The following CCDC178 variants were observed in gnomAD, a reference collection of about 807,000 sequenced individuals.
CCDC178 encodes coiled-coil domain-containing protein 178.
In CCDC178, 126 loss-of-function variants were observed where a neutral mutation model predicts 117.4. The ratio of observed to expected loss-of-function variants is 1.07; its 90% CI spans 0.93 to 1.24. The LOEUF (loss-of-function observed/expected upper bound fraction) is 1.24, where lower values mean the gene tolerates loss of function less well. Ranked by LOEUF, CCDC178 falls within the 50% of genes most tolerant of loss-of-function variation. The pLI, the probability that CCDC178 is intolerant of heterozygous loss-of-function variation, is 0.00. For synonymous variants in CCDC178, 283 were observed against 313.4 expected (o/e 0.90, Z 1.02); for missense variants, 1,030 against 986.9 (o/e 1.04, Z -0.59).
intron 5 of CCDC178, among the ~76,000 whole-genome samples, chr18:33,388,606 G>A (rs1389012421): frequency 1.1e-4 from 13 of 119,162 alleles, no homozygotes; most frequent in African/African-American, 2.5e-4. Context: ...TGCAAGCTCC[G>A]CCTCCCGGGT....
intron 21 of CCDC178, among the ~76,000 whole-genome samples, chr18:33,023,987 C>G (rs1297394076): frequency 6.6e-6 from 1 of 152,108 alleles, no homozygotes; most frequent in East Asian, 1.9e-4. Flanking sequence ...ATAACTTTGG[C>G]AACTTCGATG....
intron 21 of CCDC178, among the ~76,000 whole-genome samples, chr18:33,080,950 T>C (rs272962): frequency 0.043 from 6,462 of 151,938 alleles, 184 homozygotes; most frequent in Middle Eastern, 0.099. Flanking sequence ...TGCAAAAATA[T>C]AGAAAGTAAA....
intron 11 of CCDC178, among the ~76,000 whole-genome samples, chr18:33,293,537 T>C (rs2062065162): frequency 6.6e-6 from 1 of 151,850 alleles, no homozygotes; most frequent in South Asian, 2.1e-4. Context: ...TGGTGGCACA[T>C]GCCTGTAGTC....
chr18:33,131,962 CAA>C (rs2058072328), intron 20 of CCDC178, among the ~76,000 whole-genome samples: 1 of 150,902 alleles, frequency 6.6e-6, no homozygotes, highest in Non-Finnish European at 1.5e-5. Context: ...CCCCAAAATT[CAA>C]AGTTATATTG....
chr18:33,438,798 T>C lies in CCDC178; in HGVS notation c.-23+1164A>G, dbSNP rs117451210. On this transcript the variant is annotated intron_variant, in intron 2 of 22. Transcript: ENST00000383096. ...TCTGCTTTTCCCTGCTCATTCACCA[T>C]ACATCATCTTCCTTTCCATGTTGTC... 5.9e-5 allele frequency among the ~76,000 whole-genome samples: 9 copies of C among 152,294 alleles called. No homozygotes were observed. In the East Asian group the frequency reaches 9.7e-4, roughly 16 times the overall value.
intron 21 of CCDC178, among the ~76,000 whole-genome samples, chr18:33,073,308 T>C (rs982015563): frequency 2.3e-4 from 35 of 152,028 alleles, no homozygotes; most frequent in Non-Finnish European, 1.0e-4. Context: ...GTGGGAATCA[T>C]ATATTACATG....
chr18:33,061,854 C>T (rs368216321), intron 21 of CCDC178, among the ~76,000 whole-genome samples: 9 of 152,088 alleles, frequency 5.9e-5, no homozygotes, highest in African/African-American at 2.2e-4. Flanking sequence ...TGAAGACATG[C>T]ATTGGTTTAG....
At chr18:32,942,930 T>A (rs1022542030) in intron 22 of CCDC178, among the ~76,000 whole-genome samples, 1 of 152,144 alleles carries the variant, frequency 6.6e-6, no homozygotes, top group Non-Finnish European at 1.5e-5. Context: ...TGTTATTAGA[T>A]TTTTGGTGGG....
intron 21 of CCDC178, among the ~76,000 whole-genome samples, chr18:33,087,111 T>C (rs1259013814): frequency 2.0e-5 from 3 of 151,758 alleles, no homozygotes; most frequent in African/African-American, 4.8e-5. Context: ...TCACACTCAA[T>C]AAATCACTCT....
rs150007249 is a variant in CCDC178 at position 33,245,328 on chromosome 18, G to A, written c.1510C>T (p.Arg504Cys). ...GTTAGGTGGAAAAGAGTACCAATGC[G>A]ATAAGCCTCCTTATAGATGTTCTTG... ...HLKNIYKEAYRIGTLFHLTKH... is the reference protein window; with the variant it reads ...HLKNIYKEAYCIGTLFHLTKH... Residue 504 changes from arginine to cysteine, a missense_variant, in exon 15 of 23, where the codon CGC (arginine) becomes TGC (cysteine). Coordinates refer to ENST00000383096, the MANE Select transcript of CCDC178 (RefSeq NM_001105528.4). The A allele has an allele frequency of 8.7e-6, 14 of 1,608,938 alleles. No individual in the cohort carries two copies. The highest frequency in any genetic ancestry group is 1.7e-4 in the Middle Eastern group (1 of 6,054).
chr18:33,119,249 G>T (rs2057902186), intron 20 of CCDC178, among the ~76,000 whole-genome samples: 1 of 152,050 alleles, frequency 6.6e-6, no homozygotes, highest in African/African-American at 2.4e-5. Context: ...GAGTGAACAG[G>T]CAACCCACAG....
intron 6 of CCDC178, among the ~76,000 whole-genome samples, chr18:33,363,389 C>T (rs1000748336): frequency 6.6e-6 from 1 of 151,956 alleles, no homozygotes; most frequent in Non-Finnish European, 1.5e-5. Context: ...AACTCAGATC[C>T]ATTTTCTACA....
At chr18:33,352,525 C>T (rs1022053218) in intron 7 of CCDC178, among the ~76,000 whole-genome samples, 5 of 151,970 alleles carry the variant, frequency 3.3e-5, no homozygotes, top group Non-Finnish European at 7.4e-5. Flanking sequence ...ATTTGAGTTC[C>T]TCTTTTTAAA....
intron 2 of CCDC178, among the ~76,000 whole-genome samples, chr18:33,418,943 C>A (rs1332638063): frequency 6.6e-6 from 1 of 152,106 alleles, no homozygotes; most frequent in Non-Finnish European, 1.5e-5. Context: ...GCTATTCCTA[C>A]AAAACTACCA....
chr18:32,974,595 G>C lies in CCDC178; in HGVS notation c.2475C>G (p.Asn825Lys), dbSNP rs557095493. The change falls in exon 22 of 23, where the codon AAC becomes AAG. Residue 825 changes from asparagine (N) to lysine (K), a missense_variant. Asn to Lys is a moderately conservative substitution (Grantham distance 94). Coordinates refer to ENST00000383096, the MANE Select transcript of CCDC178 (RefSeq NM_001105528.4). ...TACTCTCCTGAGAGTCTGTCTGGAA[G>C]TTGGCCAGCCTCATCTGGCTGAAGA... ...VVLFSQMRLA[N>K]FQTDSQESIQ... The C allele has an allele frequency of 1.9e-6, 3 of 1,613,506 alleles. No homozygotes were observed. In the African/African-American group the frequency reaches 4.0e-5, roughly 22 times the overall value.
At chr18:32,985,262 T>TA (rs1448715501) in intron 21 of CCDC178, among the ~76,000 whole-genome samples, 1 of 151,980 alleles carries the variant, frequency 6.6e-6, no homozygotes, top group Non-Finnish European at 1.5e-5. Context: ...AGTTATTTGT[T>TA]TTAAACAATT....
At chr18:33,335,811 A>C (rs1369284167) in intron 9 of CCDC178, among the ~76,000 whole-genome samples, 2 of 152,048 alleles carry the variant, frequency 1.3e-5, no homozygotes, top group Non-Finnish European at 2.9e-5. Context: ...CCTATATCTG[A>C]CACATTTTGA....
chr18:33,270,300 A>G lies in CCDC178; in HGVS notation c.1177-3003T>C, dbSNP rs972128132. Among the ~76,000 whole-genome samples, 5 of 151,686 alleles carry G rather than the reference A, an allele frequency of 3.3e-5. No individual in the cohort carries two copies. The South Asian group carries it at 1.0e-3, about 31-fold the overall frequency. On this transcript the variant is annotated intron_variant, in intron 12 of 22. Coordinates refer to ENST00000383096, the MANE Select transcript of CCDC178 (RefSeq NM_001105528.4). ...AGTAAAAGTAGTCAAAGAAGAAAAG[A>G]GAGGGGGGAGGCAAAAAGTATATTC...
At chr18:33,035,703 A>G (rs2056430448) in intron 21 of CCDC178, among the ~76,000 whole-genome samples, 1 of 152,018 alleles carries the variant, frequency 6.6e-6, no homozygotes, top group Non-Finnish European at 1.5e-5. Flanking sequence ...TATAGCATGA[A>G]TGGTGATGAA....
Sources: allele counts gnomAD v4.1 joint callset (sites outside exome capture counted in the v4.1 genomes callset), GRCh38; gene constraint gnomAD v4.1.1; transcripts MANE v1.5; gene names NCBI Gene and HGNC (gene_info 2026-07-23, HGNC 2026-07-21).